Variants in RSU1 observed in about 807,000 individuals in gnomAD.
RSU1 encodes the protein Ras suppressor protein 1.
A neutral mutation model predicts 31.1 loss-of-function variants in RSU1; 26 were observed. That is an observed-to-expected ratio of 0.84 (90% CI 0.61 to 1.16). The LOEUF (loss-of-function observed/expected upper bound fraction) is 1.16, where lower values mean the gene tolerates loss of function less well. RSU1 is among the 50% of genes most tolerant of loss of function. RSU1 has a pLI of 0.00. For missense variants in RSU1, 320 were observed against 339.1 expected, an observed-to-expected ratio of 0.94 and a Z score of 0.44; for synonymous variants, 164 against 136.3, an observed-to-expected ratio of 1.20 and a Z score of -1.41.
chr10:16,759,490 G>C (rs1181775334), intron 4 of RSU1, among the ~76,000 whole-genome samples: 1 of 152,160 alleles, frequency 6.6e-6, no homozygotes, highest in South Asian at 2.1e-4. Context: ...CTGGGTGACA[G>C]AGTGAGATCT....
intron 3 of RSU1, among the ~76,000 whole-genome samples, chr10:16,781,198 G>C (rs1837641429): frequency 6.6e-6 from 1 of 152,156 alleles, no homozygotes; most frequent in Non-Finnish European, 1.5e-5. Context: ...TGAGTCATTA[G>C]GAATGGGAAA....
intron 7 of RSU1, among the ~76,000 whole-genome samples, chr10:16,702,727 C>A (rs903165371): frequency 3.3e-5 from 5 of 152,152 alleles, no homozygotes; most frequent in African/African-American, 1.2e-4. Context: ...TGGAAGGGAC[C>A]AGCCTTGTCT....
intron 8 of RSU1, among the ~76,000 whole-genome samples, chr10:16,670,198 T>C (rs975083578): frequency 6.6e-6 from 1 of 152,196 alleles, no homozygotes; most frequent in Admixed American, 6.5e-5. Context: ...GTAGAACATT[T>C]TAAATTACAG....
At chr10:16,791,136 C>T (rs181691099) in intron 2 of RSU1, among the ~76,000 whole-genome samples, 6 of 152,174 alleles carry the variant, frequency 3.9e-5, no homozygotes, top group East Asian at 3.9e-4. Context: ...AAGCAATTCT[C>T]GTGCCACAGC....
intron 7 of RSU1, among the ~76,000 whole-genome samples, chr10:16,729,756 A>G (rs1244123901): frequency 6.6e-6 from 1 of 152,158 alleles, no homozygotes; most frequent in Non-Finnish European, 1.5e-5. Context: ...AACAGCTGTG[A>G]TCATCCCGCC....
chr10:16,809,784 CA>C (rs1288374202), intron 2 of RSU1, among the ~76,000 whole-genome samples: 1 of 151,992 alleles, frequency 6.6e-6, no homozygotes, highest in African/African-American at 2.4e-5. Flanking sequence ...AATTATTATC[CA>C]TACCAATTGT....
chr10:16,738,873 C>CA (rs1328528871), intron 7 of RSU1, among the ~76,000 whole-genome samples: 1 of 151,732 alleles, frequency 6.6e-6, no homozygotes, highest in African/African-American at 2.4e-5. Flanking sequence ...CCCCACCCCC[C>CA]CAGCGGACCC....
chr10:16,722,330 G>GA (rs1483587744), intron 7 of RSU1, among the ~76,000 whole-genome samples: 1 of 152,138 alleles, frequency 6.6e-6, no homozygotes, highest in East Asian at 1.9e-4. Context: ...TATTGTTTAA[G>GA]AAAACAGATG....
intron 7 of RSU1, among the ~76,000 whole-genome samples, chr10:16,717,766 T>C (rs1365661999): frequency 3.3e-5 from 5 of 152,100 alleles, no homozygotes; most frequent in Non-Finnish European, 7.4e-5. Flanking sequence ...AAATTAACTA[T>C]ATGACTCAAG....
chr10:16,700,673 T>C (rs1474608729), intron 7 of RSU1, among the ~76,000 whole-genome samples: 4 of 152,202 alleles, frequency 2.6e-5, no homozygotes, highest in Non-Finnish European at 5.9e-5. Context: ...TTCACTTCTT[T>C]AGGAACACAC....
rs180950504 is a variant in RSU1 at position 16,763,549 on chromosome 10, C to T, written c.281+841G>A. Among the ~76,000 whole-genome samples the T allele has an allele frequency of 1.4e-3, 209 of 152,270 alleles. 1 individual carries two copies. The highest frequency in any genetic ancestry group is 4.4e-3 in the African/African-American group (183 of 41,536). On this transcript the variant is annotated intron_variant, in intron 4 of 8. Transcript: ENST00000345264. ...AGCTCCGCCCCCAGGATCCAATCAC[C>T]TCCCACCAGGCCCCACCTCCAACAC... is the stretch of plus-strand genomic sequence containing the variant.
intron 7 of RSU1, among the ~76,000 whole-genome samples, chr10:16,745,953 C>A (rs1381005234): frequency 6.6e-6 from 1 of 152,098 alleles, no homozygotes; most frequent in East Asian, 1.9e-4. Flanking sequence ...CTTAATTGAC[C>A]AAACAAATAC....
chr10:16,758,150 A>G (rs1837135301), intron 4 of RSU1, among the ~76,000 whole-genome samples: 1 of 145,940 alleles, frequency 6.9e-6, no homozygotes, highest in Non-Finnish European at 1.5e-5. Context: ...TGGTAGGCAC[A>G]CCACCCTGGC....
intron 7 of RSU1, among the ~76,000 whole-genome samples, chr10:16,750,662 G>T (rs576412965): frequency 6.6e-6 from 1 of 151,950 alleles, no homozygotes; most frequent in African/African-American, 2.4e-5. Flanking sequence ...TTATTTTTCC[G>T]TTTCTACTAA....
chr10:16,666,663 C>T (rs1394968932), intron 8 of RSU1, among the ~76,000 whole-genome samples: 1 of 152,068 alleles, frequency 6.6e-6, no homozygotes, highest in Admixed American at 6.6e-5. Flanking sequence ...TCTAGGTGGG[C>T]TCACAGCCAC....
At chr10:16,707,570 GT>G (rs59600318) in intron 7 of RSU1, among the ~76,000 whole-genome samples, 3,848 of 142,022 alleles carry the variant, frequency 0.027, 150 homozygotes, top group African/African-American at 0.086. Context: ...TCTTAATCAG[GT>G]TTTTTTTTTT....
At chr10:16,695,485 C>G (rs1023141589) in intron 7 of RSU1, among the ~76,000 whole-genome samples, 1 of 152,192 alleles carries the variant, frequency 6.6e-6, no homozygotes, top group Non-Finnish European at 1.5e-5. Context: ...ATTTAAAATT[C>G]TATCTTGACC....
chr10:16,693,446 T>A (rs1472621469), intron 8 of RSU1, among the ~76,000 whole-genome samples: 5 of 151,496 alleles, frequency 3.3e-5, no homozygotes, highest in African/African-American at 7.3e-5. Flanking sequence ...ATTCACAGGG[T>A]TTTCTTGAGT....
At chr10:16,783,729 C>T (rs1837709599) in intron 2 of RSU1, among the ~76,000 whole-genome samples, 1 of 151,674 alleles carries the variant, frequency 6.6e-6, no homozygotes, top group Non-Finnish European at 1.5e-5. Context: ...AAATGCAATA[C>T]AAAAACCTGT....
Sources: gnomAD v4.1 joint callset for allele counts (sites outside exome capture counted in the v4.1 genomes callset) on GRCh38, gnomAD v4.1.1 for gene constraint, MANE v1.5 for transcripts, NCBI Gene and HGNC (gene_info 2026-07-23, HGNC 2026-07-21) for gene names.